The following SAMTOR variants were observed in gnomAD, a reference collection of about 807,000 sequenced individuals.
The protein encoded by SAMTOR is S-adenosylmethionine sensor upstream of mTORC1, also known as UPF0532 protein C7orf60.
chr7:112,878,855 A>G, the SAMTOR span, among the ~76,000 whole-genome samples: 1 of 152,156 alleles, frequency 6.6e-6, no homozygotes, highest in African/African-American at 2.4e-5. Context: ...GAAACTCTCA[A>G]GTTGAATTGT....
the SAMTOR span, among the ~76,000 whole-genome samples, chr7:112,928,227 A>C: frequency 6.6e-6 from 1 of 152,046 alleles, no homozygotes; most frequent in Non-Finnish European, 1.5e-5. Context: ...GTTCCAAATT[A>C]AAGTGAACCA....
the SAMTOR span, among the ~76,000 whole-genome samples, chr7:112,854,470 G>C: frequency 6.6e-6 from 1 of 152,104 alleles, no homozygotes; most frequent in Non-Finnish European, 1.5e-5. Flanking sequence ...GCTTTAACAA[G>C]AAAAGAAGGG....
At chr7:112,939,583 C>G in the SAMTOR span, 3 of 1,613,792 alleles carry the variant, frequency 1.9e-6, no homozygotes, top group African/African-American at 2.7e-5. Flanking sequence ...ACTCAGCGCG[C>G]TGTTTACCTT....
At chr7:112,884,466 G>C in the SAMTOR span, among the ~76,000 whole-genome samples, 1 of 152,178 alleles carries the variant, frequency 6.6e-6, no homozygotes, top group Non-Finnish European at 1.5e-5. Context: ...TGGGGGTACA[G>C]GCACTGGGTA....
At chr7:112,841,147 C>T in the SAMTOR span, among the ~76,000 whole-genome samples, 1 of 151,656 alleles carries the variant, frequency 6.6e-6, no homozygotes, top group African/African-American at 2.4e-5. Context: ...TAAATTGTCT[C>T]TTTGCAGATG....
chr7:112,896,989 G>A, the SAMTOR span, among the ~76,000 whole-genome samples: 107 of 152,250 alleles, frequency 7.0e-4, no homozygotes, highest in Non-Finnish European at 1.4e-3. Flanking sequence ...CTGGGCAGAA[G>A]ATGAGTGGAC....
the SAMTOR span, among the ~76,000 whole-genome samples, chr7:112,899,789 G>GGAAAAAAAAA: frequency 8.8e-6 from 1 of 113,388 alleles, no homozygotes; most frequent in Non-Finnish European, 1.7e-5. Flanking sequence ...TGTGCTGAAG[G>GGAAAAAAAAA]AAAAAAAAAA....
At chr7:112,884,270 C>T in the SAMTOR span, among the ~76,000 whole-genome samples, 5 of 152,158 alleles carry the variant, frequency 3.3e-5, no homozygotes, top group East Asian at 9.7e-4. Context: ...TTACCCCAGC[C>T]CCTCCCAAAT....
At chr7:112,879,006 G>A in the SAMTOR span, among the ~76,000 whole-genome samples, 223 of 151,980 alleles carry the variant, frequency 1.5e-3, no homozygotes, top group African/African-American at 4.8e-3. Flanking sequence ...GTAAAACAGC[G>A]GAAGGGGTCA....
the SAMTOR span, chr7:112,935,189 G>A: frequency 1.6e-5 from 7 of 431,748 alleles, no homozygotes; most frequent in Non-Finnish European, 3.2e-5. Flanking sequence ...AACCTCACTT[G>A]AGAAAAGAAT....
chr7:112,899,234 G>T, the SAMTOR span, among the ~76,000 whole-genome samples: 2 of 152,016 alleles, frequency 1.3e-5, no homozygotes, highest in Non-Finnish European at 2.9e-5. Flanking sequence ...ATTTAACAAA[G>T]AGATTAAAAT....
chr7:112,820,349 T>C, the SAMTOR span: 4 of 152,594 alleles, frequency 2.6e-5, no homozygotes, highest in South Asian at 8.3e-4. Flanking sequence ...GGATCAACTA[T>C]TGAAAATGCA....
the SAMTOR span, among the ~76,000 whole-genome samples, chr7:112,929,384 A>G: frequency 2.0e-5 from 3 of 152,054 alleles, no homozygotes; most frequent in African/African-American, 4.8e-5. Context: ...TAAAACCACA[A>G]TAAGATACTA....
chr7:112,821,941 G>A, the SAMTOR span: 2 of 1,612,818 alleles, frequency 1.2e-6, no homozygotes, highest in Middle Eastern at 1.6e-4. Context: ...AAATCTTGAG[G>A]AATATATAAC....
chr7:112,839,499 A>C, the SAMTOR span, among the ~76,000 whole-genome samples: 1 of 151,954 alleles, frequency 6.6e-6, no homozygotes, highest in Middle Eastern at 3.4e-3. Context: ...CTTGGGAGGA[A>C]TCTGGCAGAC....
the SAMTOR span, among the ~76,000 whole-genome samples, chr7:112,901,180 T>G: frequency 2.0e-5 from 3 of 152,194 alleles, no homozygotes; most frequent in Non-Finnish European, 4.4e-5. Flanking sequence ...CGTGACCTGT[T>G]AGGAACTGGG....
the SAMTOR span, among the ~76,000 whole-genome samples, chr7:112,843,964 T>C: frequency 1.3e-5 from 2 of 152,056 alleles, no homozygotes; most frequent in Non-Finnish European, 2.9e-5. Context: ...GGAAGCCAGG[T>C]TGGTTCAACA....
the SAMTOR span, chr7:112,939,233 C>T: frequency 3.6e-6 from 1 of 274,300 alleles, no homozygotes; most frequent in South Asian, 5.6e-5. Context: ...TCTTGTTTTA[C>T]CTCGGCGTCT....
At chr7:112,878,701 G>C in the SAMTOR span, among the ~76,000 whole-genome samples, 1 of 152,230 alleles carries the variant, frequency 6.6e-6, no homozygotes, top group East Asian at 1.9e-4. Flanking sequence ...CAATATTACT[G>C]AGTTATACAG....
Sources: gnomAD v4.1 joint callset for allele counts (sites outside exome capture counted in the v4.1 genomes callset) on GRCh38, gnomAD v4.1.1 for gene constraint, MANE v1.5 for transcripts, NCBI Gene and HGNC (gene_info 2026-07-23, HGNC 2026-07-21) for gene names.